Variants in TSG101 observed in about 807,000 individuals in gnomAD.
The protein encoded by TSG101 is tumor susceptibility 101, also known as tumor susceptibility gene 101 protein.
Under a neutral mutation model 48.5 loss-of-function variants are expected in TSG101, and 19 were observed. That is an observed-to-expected ratio of 0.39 (90% confidence interval 0.27 to 0.58). The LOEUF is 0.58. TSG101 is among the 20% of genes least tolerant of loss of function. The probability of loss-of-function intolerance (pLI) is 0.55; values close to 1 mark genes in which losing one functional copy is unlikely to be tolerated. For missense variants in TSG101, 365 were observed against 484.4 expected (o/e 0.75, Z 2.31); for synonymous variants, 174 against 169.4 (o/e 1.03, Z -0.21).
At chr11:18,500,243 T>G (rs1849867270) in intron 7 of TSG101, among the ~76,000 whole-genome samples, 1 of 152,232 alleles carries the variant, frequency 6.6e-6, no homozygotes, top group Non-Finnish European at 1.5e-5. Flanking sequence ...AATATTTAGG[T>G]TCACTCCATA....
rs761844917 is a variant in TSG101 at position 18,509,526 on chromosome 11, TC to T, written c.481+15del. On this transcript the variant is annotated intron_variant, in intron 5 of 9. Transcript: ENST00000251968. ...TGTTTATATGAGTTTTAAAGTAAAA[TC>T]TCAATTCTACTTACTATTTGGTGGC... 1 of 1,607,298 alleles carries T rather than the reference TC, an allele frequency of 6.2e-7. No homozygotes were observed. Among genetic ancestry groups the T allele is most frequent in the Non-Finnish European group, 8.5e-7 (1 of 1,177,874 alleles).
chr11:18,488,173 C>T (rs1849647714), intron 7 of TSG101, among the ~76,000 whole-genome samples: 1 of 152,218 alleles, frequency 6.6e-6, no homozygotes, highest in Non-Finnish European at 1.5e-5. Context: ...GCTCCACATT[C>T]ACTACTGCAT....
At chr11:18,506,299 A>G (rs982911570) in intron 6 of TSG101, among the ~76,000 whole-genome samples, 2 of 151,866 alleles carry the variant, frequency 1.3e-5, no homozygotes, top group East Asian at 1.9e-4. Context: ...AGAAATTTGT[A>G]TATCTAGTAT....
intron 2 of TSG101, among the ~76,000 whole-genome samples, chr11:18,517,306 T>C (rs1225183494): frequency 1.3e-5 from 2 of 152,160 alleles, no homozygotes; most frequent in African/African-American, 4.8e-5. Context: ...GAAAAGTTCA[T>C]AGCCAAATAT....
intron 9 of TSG101, chr11:18,481,225 G>A (rs1849533304): frequency 2.1e-6 from 2 of 940,194 alleles, no homozygotes; most frequent in African/African-American, 3.6e-5. Context: ...ACTTTGATGT[G>A]GGAAAACTGG....
chr11:18,501,464 T>C (rs1849886017), intron 7 of TSG101, among the ~76,000 whole-genome samples: 1 of 152,242 alleles, frequency 6.6e-6, no homozygotes, highest in Non-Finnish European at 1.5e-5. Context: ...TTCTGTTCCA[T>C]TGGTCTGTTT....
intron 7 of TSG101, among the ~76,000 whole-genome samples, chr11:18,496,432 ACT>A (rs1849778255): frequency 2.4e-5 from 3 of 126,030 alleles, no homozygotes; most frequent in Admixed American, 1.7e-4. Flanking sequence ...GCAGAGCGAA[ACT>A]CTGTCTCAAA....
At chr11:18,488,580 T>G (rs1849653690) in intron 7 of TSG101, among the ~76,000 whole-genome samples, 1 of 152,250 alleles carries the variant, frequency 6.6e-6, no homozygotes, top group South Asian at 2.1e-4. Flanking sequence ...GATCCTGGTA[T>G]GACTAAAGAG....
At chr11:18,508,572 T>C (rs922161440) in intron 5 of TSG101, 3 of 152,080 alleles carry the variant, frequency 2.0e-5, no homozygotes, top group Admixed American at 2.0e-4. Flanking sequence ...TAAAAACAAA[T>C]TTCTAATCCA....
chr11:18,491,603 A>G (rs1051165600), intron 7 of TSG101, among the ~76,000 whole-genome samples: 4 of 152,234 alleles, frequency 2.6e-5, no homozygotes, highest in Non-Finnish European at 5.9e-5. Flanking sequence ...ATCTTTTGCC[A>G]TAAGTCATAA....
intron 7 of TSG101, among the ~76,000 whole-genome samples, chr11:18,501,055 G>T (rs545570848): frequency 1.3e-5 from 2 of 152,198 alleles, no homozygotes; most frequent in African/African-American, 4.8e-5. Context: ...TGATTCGCCC[G>T]CCTTGGCTTC....
Position 18,526,836 on chromosome 11 carries a change from C to G in TSG101, c.-20G>C, listed in dbSNP as rs1850385229. 3 of 1,599,094 alleles carry G rather than the reference C, an allele frequency of 1.9e-6. No individual in the cohort carries two copies. Among genetic ancestry groups the G allele is most frequent in the Non-Finnish European group, 2.5e-6 (3 of 1,178,364 alleles). On this transcript the variant is annotated 5_prime_UTR_variant, in exon 1 of 10. Coordinates refer to ENST00000251968, the MANE Select transcript of TSG101 (RefSeq NM_006292.4). ...CGCCATGACGGCCGCCTGGCGACTC[C>G]CTTCCCCGCAGGCAGAGGGTCAGCC...
intron 9 of TSG101, chr11:18,481,401 G>T: frequency 7.6e-7 from 1 of 1,319,776 alleles, no homozygotes; most frequent in Non-Finnish European, 9.7e-7. Flanking sequence ...TGCTGCCTGT[G>T]GGCAGAGAAC....
intron 7 of TSG101, among the ~76,000 whole-genome samples, chr11:18,489,227 A>ATTTTTTT (rs113489427): frequency 7.0e-6 from 1 of 142,344 alleles, no homozygotes; most frequent in Non-Finnish European, 1.6e-5. Context: ...ACATCATTCT[A>ATTTTTTT]TTTTTTTTTT....
At chr11:18,525,189 G>A (rs1005150359) in intron 1 of TSG101, among the ~76,000 whole-genome samples, 11 of 152,124 alleles carry the variant, frequency 7.2e-5, no homozygotes, top group African/African-American at 1.9e-4. Flanking sequence ...GATTACAGGC[G>A]TAAGCCACTG....
chr11:18,517,673 C>A (rs1369933716), intron 2 of TSG101, among the ~76,000 whole-genome samples: 1 of 152,232 alleles, frequency 6.6e-6, no homozygotes, highest in East Asian at 1.9e-4. Context: ...TAGGTTGTAG[C>A]CTAGGAGCAA....
Position 18,502,707 on chromosome 11 carries a change from G to A in TSG101, c.549-130C>T, listed in dbSNP as rs1849909152. The A allele has an allele frequency of 4.8e-6, 3 of 624,290 alleles. No individual in the cohort carries two copies. The East Asian group carries it at 9.2e-5, about 19-fold the overall frequency. 38.7% of individuals were successfully genotyped at this position (624,290 alleles called of 1,614,324 possible). A position where few individuals can be genotyped will look rare whatever the true frequency, so the allele number is the denominator to read the frequency against. ...CAGTTGATGAATTTATAGTCTTGGAGCTGCAAGTGTTTATTCAAGTAAAGC... is the reference window on the plus strand; with the variant it reads ...CAGTTGATGAATTTATAGTCTTGGAACTGCAAGTGTTTATTCAAGTAAAGC... On this transcript the variant is annotated intron_variant, in intron 6 of 9. Coordinates refer to ENST00000251968, the MANE Select transcript of TSG101 (RefSeq NM_006292.4).
chr11:18,490,503 CTA>C, intron 7 of TSG101: 1 of 495,500 alleles, frequency 2.0e-6, no homozygotes, highest in Non-Finnish European at 3.9e-6. Flanking sequence ...TTCTTTCTTA[CTA>C]ATTTCAAATG....
chr11:18,502,692 A>G (rs1374983006), intron 6 of TSG101, 115 bp from the exon 7 acceptor site: 10 of 718,636 alleles, frequency 1.4e-5, no homozygotes, highest in Non-Finnish European at 2.3e-5. Flanking sequence ...CAGTTGATGA[A>G]TTTATAGTCT....
Sources: allele counts gnomAD v4.1 joint callset (sites outside exome capture counted in the v4.1 genomes callset), GRCh38; gene constraint gnomAD v4.1.1; transcripts MANE v1.5; gene names NCBI Gene and HGNC (gene_info 2026-07-23, HGNC 2026-07-21).